The following IL13RA1 variants were observed in gnomAD, a reference collection of about 807,000 sequenced individuals.
IL13RA1 encodes interleukin-13 receptor subunit alpha-1.
Under a neutral mutation model 33.8 loss-of-function variants are expected in IL13RA1, and 14 were observed. The ratio of observed to expected loss-of-function variants is 0.41; its 90% CI spans 0.27 to 0.65. The LOEUF (loss-of-function observed/expected upper bound fraction) is 0.65. Ranked by LOEUF, IL13RA1 falls within the 30% of genes least tolerant of loss-of-function variation. IL13RA1 has a pLI of 0.28. For missense variants in IL13RA1, 313 were observed against 327.0 expected, an observed-to-expected ratio of 0.96 and a Z score of 0.33; for synonymous variants, 116 against 115.7, an observed-to-expected ratio of 1.00 and a Z score of -0.02.
At chrX:118,804,897 A>G in the IL13RA1 span, among the ~76,000 whole-genome samples, 11,775 of 111,682 alleles carry the variant, frequency 0.11, 525 homozygotes, top group African/African-American at 0.16. Context: ...AAACTTGAGA[A>G]AGTTACATTT....
At chrX:118,785,129 G>A (rs2017901877) in intron 10 of IL13RA1, among the ~76,000 whole-genome samples, 1 of 110,383 alleles carries the variant, frequency 9.1e-6, no homozygotes, top group Admixed American at 9.7e-5. Flanking sequence ...ACAGGGTCTT[G>A]CTCTGTTGGC....
At chrX:118,753,279 A>G (rs866343488) in intron 4 of IL13RA1, among the ~76,000 whole-genome samples, 15 of 112,321 alleles carry the variant, frequency 1.3e-4, no homozygotes, top group Middle Eastern at 9.2e-3. Context: ...GCAAATTGTT[A>G]AAAGAATGTT....
intron 1 of IL13RA1, chrX:118,737,936 T>G (rs2017299763): frequency 9.0e-6 from 1 of 111,676 alleles, no homozygotes; most frequent in Non-Finnish European, 1.9e-5. Context: ...GGAACAATGT[T>G]TTTATTGGAG....
chrX:118,746,181 G>C (rs1054206452), intron 2 of IL13RA1, among the ~76,000 whole-genome samples: 1 of 110,509 alleles, frequency 9.0e-6, no homozygotes, highest in Admixed American at 9.7e-5. Context: ...AGGCTAGAGT[G>C]CAATCTTGGC....
intron 10 of IL13RA1, among the ~76,000 whole-genome samples, chrX:118,790,700 A>G (rs1392063869): frequency 9.0e-6 from 1 of 111,630 alleles, no homozygotes; most frequent in Non-Finnish European, 1.9e-5. Flanking sequence ...GGGTTATATA[A>G]TTTGTTTAGA....
At chrX:118,800,692 C>T in the IL13RA1 span, among the ~76,000 whole-genome samples, 25 of 111,589 alleles carry the variant, frequency 2.2e-4, no homozygotes, top group Middle Eastern at 4.6e-3. Flanking sequence ...GCAGCCTCGA[C>T]CTTCCGGGCT....
intron 3 of IL13RA1, among the ~76,000 whole-genome samples, chrX:118,747,355 G>A (rs901950941): frequency 6.4e-5 from 7 of 108,861 alleles, no homozygotes; most frequent in East Asian, 5.8e-4. Flanking sequence ...ATGCACGCGC[G>A]CGCACACACA....
At chrX:118,740,431 A>G (rs2017329661) in intron 1 of IL13RA1, among the ~76,000 whole-genome samples, 2 of 112,410 alleles carry the variant, frequency 1.8e-5, no homozygotes, top group Non-Finnish European at 3.8e-5. Flanking sequence ...TCTGCCGTTT[A>G]CTGTAGCCAT....
downstream of IL13RA1, among the ~76,000 whole-genome samples, chrX:118,799,274 C>G (rs1472067384): frequency 2.7e-5 from 3 of 112,995 alleles, no homozygotes; most frequent in Non-Finnish European, 5.6e-5. Context: ...CCGAGCCTCC[C>G]GGACGAGCAC....
chrX:118,798,572 C>T (rs780262243), downstream of IL13RA1, among the ~76,000 whole-genome samples: 133 of 111,937 alleles, frequency 1.2e-3, no homozygotes, highest in African/African-American at 4.0e-3. Flanking sequence ...TTCTCTAGGC[C>T]GAGCACCTAG....
At chrX:118,747,669 A>T (rs1455858557) in intron 3 of IL13RA1, among the ~76,000 whole-genome samples, 2 of 111,620 alleles carry the variant, frequency 1.8e-5, no homozygotes, top group African/African-American at 6.5e-5. Flanking sequence ...AAGATAGTAC[A>T]AGACAACCTT....
At chrX:118,786,087 G>T (rs1189798477) in intron 10 of IL13RA1, among the ~76,000 whole-genome samples, 1 of 110,865 alleles carries the variant, frequency 9.0e-6, no homozygotes, top group African/African-American at 3.3e-5. Context: ...TTATTCTGTG[G>T]CTCATTTTTA....
chrX:118,774,553 A>AT (rs1037802818), intron 9 of IL13RA1, among the ~76,000 whole-genome samples: 1 of 112,528 alleles, frequency 8.9e-6, no homozygotes, highest in Admixed American at 9.4e-5. Context: ...AATAGGTCCT[A>AT]TGTTCACATA....
intron 2 of IL13RA1, among the ~76,000 whole-genome samples, chrX:118,743,054 T>C (rs1458106856): frequency 8.9e-6 from 1 of 112,134 alleles, no homozygotes; most frequent in Non-Finnish European, 1.9e-5. Flanking sequence ...TCATTCATTG[T>C]AGCCATTTGA....
intron 10 of IL13RA1, among the ~76,000 whole-genome samples, chrX:118,777,671 G>A (rs755186129): frequency 1.8e-5 from 2 of 111,644 alleles, no homozygotes; most frequent in Admixed American, 9.6e-5. Context: ...TAGAAATGGA[G>A]CAGCCCTACC....
chrX:118,774,078 C>T (rs2017756110), intron 9 of IL13RA1, 103 bp downstream of exon 9: 5 of 461,803 alleles, frequency 1.1e-5, no homozygotes, highest in Non-Finnish European at 1.9e-5. Flanking sequence ...GTATTAGAAG[C>T]ATGTTGCCTG....
chrX:118,751,900 CAAAAAAAA>C (rs34902050), intron 4 of IL13RA1, among the ~76,000 whole-genome samples: 5 of 48,985 alleles, frequency 1.0e-4, no homozygotes, highest in South Asian at 2.3e-3. Context: ...GAATAGAATG[CAAAAAAAA>C]AAAAAAAAAA....
At chrX:118,729,046 T>G (rs1041113643) in intron 1 of IL13RA1, among the ~76,000 whole-genome samples, 4 of 111,975 alleles carry the variant, frequency 3.6e-5, no homozygotes, top group African/African-American at 9.8e-5. Context: ...ACTTAGAACC[T>G]GAGAGTGTAT....
intron 2 of IL13RA1, 70 bp downstream of exon 2, chrX:118,741,226 C>G: frequency 3.0e-6 from 2 of 667,870 alleles, no homozygotes; most frequent in Non-Finnish European, 4.7e-6. Flanking sequence ...AAGAATAAGC[C>G]AAATTCTAGT....
Sources: allele counts gnomAD v4.1 joint callset (sites outside exome capture counted in the v4.1 genomes callset), GRCh38; gene constraint gnomAD v4.1.1; transcripts MANE v1.5; gene names NCBI Gene and HGNC (gene_info 2026-07-23, HGNC 2026-07-21).